Variants in VPS33A observed in about 807,000 individuals in gnomAD.
VPS33A encodes the protein vacuolar protein sorting-associated protein 33A.
Under a neutral mutation model 71.8 loss-of-function variants are expected in VPS33A, and 32 were observed. That is an observed-to-expected ratio of 0.45 (90% CI 0.34 to 0.60). The LOEUF is 0.60. Ranked by LOEUF, VPS33A falls within the 20% of genes least tolerant of loss-of-function variation. The pLI is 0.02. For missense variants in VPS33A, 625 were observed against 748.5 expected (o/e 0.84, Z 1.92); for synonymous variants, 311 against 292.7 (o/e 1.06, Z -0.64).
rs1024706441 is a variant in VPS33A at position 122,229,599 on chromosome 12, G to T, written c.*2647C>A. ...GACTTCTTTATTAAGGGGGCTGCTG[G>T]TGTAGAACTGTCTACCCAACTAGAC... On this transcript the variant is annotated 3_prime_UTR_variant, in exon 13 of 13. Coordinates refer to ENST00000267199, the MANE Select transcript of VPS33A (RefSeq NM_022916.6). 2.0e-5 allele frequency: 3 copies of T among 152,086 alleles called. No homozygotes were observed. The highest frequency in any genetic ancestry group is 2.9e-5 in the Non-Finnish European group (2 of 68,016). The allele number at this position is 152,086 out of a possible 1,614,324, so 9.4% of individuals were successfully genotyped here. A position where few individuals can be genotyped will look rare whatever the true frequency, so the allele number is the denominator to read the frequency against.
chr12:122,247,193 T>TA (rs144608308), intron 6 of VPS33A, among the ~76,000 whole-genome samples: 4,408 of 152,262 alleles, frequency 0.029, 199 homozygotes, highest in African/African-American at 0.1. Context: ...ATGTTTGACT[T>TA]ACATTACGAA....
intron 7 of VPS33A, among the ~76,000 whole-genome samples, chr12:122,244,233 A>C (rs971913898): frequency 4.6e-5 from 7 of 152,168 alleles, no homozygotes; most frequent in Non-Finnish European, 7.3e-5. Context: ...ATTATAGAGG[A>C]TTCTTTATTT....
intron 11 of VPS33A, among the ~76,000 whole-genome samples, chr12:122,235,054 T>C (rs1954611024): frequency 6.6e-6 from 1 of 151,812 alleles, no homozygotes; most frequent in Admixed American, 6.6e-5. Flanking sequence ...ACAAACATGG[T>C]TCACTGCAAC....
At chr12:122,244,067 G>A (rs1320827172) in intron 7 of VPS33A, among the ~76,000 whole-genome samples, 1 of 152,124 alleles carries the variant, frequency 6.6e-6, no homozygotes, top group Non-Finnish European at 1.5e-5. Flanking sequence ...CTAGTGAACG[G>A]GCAAGAGGAG....
At chr12:122,240,380 A>G (rs567255244) in intron 8 of VPS33A, among the ~76,000 whole-genome samples, 1 of 152,268 alleles carries the variant, frequency 6.6e-6, no homozygotes, top group East Asian at 1.9e-4. Context: ...AATAAGTTCA[A>G]GTCATCACCT....
At position 122,261,363 on chromosome 12, in the gene VPS33A, A is replaced by T. The variant is rs1954992122; in HGVS notation, c.381T>A (p.Asp127Glu). 1 of 1,613,992 alleles carries T rather than the reference A, an allele frequency of 6.2e-7. No individual in the cohort carries two copies. Among genetic ancestry groups the T allele is most frequent in the East Asian group, 2.2e-5 (1 of 44,864 alleles). Residue 127 changes from aspartate (D) to glutamate (E), a missense_variant, in exon 4 of 13, where the codon GAT becomes GAA. Transcript: ENST00000267199. Reference sequence around the variant, plus strand: ...GAATAAAGGATCCCAAGACACCCAGATCCTTCAACCGCTGTTCGCACAACA... The same window carrying T: ...GAATAAAGGATCCCAAGACACCCAGTTCCTTCAACCGCTGTTCGCACAACA... ...RSLLCEQRLK[D>E]LGVLGSFIHR... is the part of the protein sequence containing the mutation.
chr12:122,253,921 AC>A (rs1253298554), intron 4 of VPS33A, among the ~76,000 whole-genome samples: 1 of 152,006 alleles, frequency 6.6e-6, no homozygotes, highest in Non-Finnish European at 1.5e-5. Context: ...CTGGTCTCGA[AC>A]CCCTAACCTC....
At chr12:122,233,764 T>C (rs1475123205) in intron 11 of VPS33A, among the ~76,000 whole-genome samples, 1 of 152,174 alleles carries the variant, frequency 6.6e-6, no homozygotes, top group Non-Finnish European at 1.5e-5. Flanking sequence ...AGGTATAGCC[T>C]CAAAACCACT....
At position 122,232,280 on chromosome 12, in the gene VPS33A, C is replaced by G. The variant is rs1954572689; in HGVS notation, c.1757G>C (p.Ser586Thr). Residue 586 changes from serine (S) to threonine (T), a missense_variant, in exon 13 of 13, where the codon AGT (serine) becomes ACT (threonine). Transcript: ENST00000267199. ...TTTTTCCATCAGAGCCTCTATCCAACTGGTTCCATTCATTAGTTTAGTGGT... is the reference window on the plus strand; with the variant it reads ...TTTTTCCATCAGAGCCTCTATCCAAGTGGTTCCATTCATTAGTTTAGTGGT... ...IATTKLMNGTSWIEALMEKPF is the reference protein window; with the variant it reads ...IATTKLMNGTTWIEALMEKPF 2 of 1,613,928 alleles carry G rather than the reference C, an allele frequency of 1.2e-6. No homozygotes were observed. Among genetic ancestry groups the G allele is most frequent in the East Asian group, 4.5e-5 (2 of 44,888 alleles).
rs1165032525 is a variant in VPS33A at position 122,229,714 on chromosome 12, G to GA, written c.*2531dup. The GA allele has an allele frequency of 6.6e-6, 1 of 152,224 alleles. No individual in the cohort carries two copies. The highest frequency in any genetic ancestry group is 1.5e-5 in the Non-Finnish European group (1 of 68,044). The allele number at this position is 152,224 out of a possible 1,614,324, so 9.4% of individuals were successfully genotyped here. A position where few individuals can be genotyped will look rare whatever the true frequency, so the allele number is the denominator to read the frequency against. ...TTTCTCAGTAAGGGCATACTCTTTT[G>GA]AGACAAAGACTGCTTCAAGTATTAA... On this transcript the variant is annotated 3_prime_UTR_variant, in exon 13 of 13. Coordinates refer to ENST00000267199, the MANE Select transcript of VPS33A (RefSeq NM_022916.6).
chr12:122,261,662 A>G (rs1048042545), intron 3 of VPS33A, among the ~76,000 whole-genome samples: 1 of 151,908 alleles, frequency 6.6e-6, no homozygotes, highest in Non-Finnish European at 1.5e-5. Context: ...TGAGGTCAGG[A>G]GTTCGAGACC....
At chr12:122,241,144 A>AG (rs1385390060) in intron 8 of VPS33A, 1 of 151,914 alleles carries the variant, frequency 6.6e-6, no homozygotes, top group African/African-American at 2.4e-5. Flanking sequence ...CAAAAAAAAA[A>AG]AAAAAAGAAA....
intron 6 of VPS33A, 37 bp from the exon 7 acceptor site, chr12:122,244,799 A>G: frequency 6.3e-7 from 1 of 1,575,648 alleles, no homozygotes; most frequent in Non-Finnish European, 8.7e-7. Flanking sequence ...ACCTGTGTGC[A>G]ATGACTGGAA....
At chr12:122,259,917 C>A (rs1046534643) in intron 4 of VPS33A, among the ~76,000 whole-genome samples, 6 of 152,010 alleles carry the variant, frequency 3.9e-5, no homozygotes, top group African/African-American at 1.4e-4. Flanking sequence ...GCGGCACATG[C>A]CTGTAGTTCC....
At chr12:122,260,737 G>A (rs974281376) in intron 4 of VPS33A, among the ~76,000 whole-genome samples, 5 of 152,296 alleles carry the variant, frequency 3.3e-5, no homozygotes, top group Non-Finnish European at 7.4e-5. Flanking sequence ...TGTAATCCCA[G>A]CAGTTTGGGA....
chr12:122,252,609 A>G (rs949432052), intron 4 of VPS33A, among the ~76,000 whole-genome samples: 1 of 152,166 alleles, frequency 6.6e-6, no homozygotes. Context: ...AGAGAAAAAA[A>G]CCACCTGTGA....
intron 4 of VPS33A, among the ~76,000 whole-genome samples, chr12:122,254,002 C>T (rs915604009): frequency 2.6e-5 from 4 of 152,068 alleles, no homozygotes; most frequent in Admixed American, 6.6e-5. Flanking sequence ...CATTTAAATG[C>T]GCATTTTTTT....
chr12:122,232,993 A>G, intron 11 of VPS33A, 25 bp from the exon 12 acceptor site: 1 of 1,565,084 alleles, frequency 6.4e-7, no homozygotes, highest in Non-Finnish European at 8.7e-7. Flanking sequence ...AAGAACAAAA[A>G]CCCTATAGAT....
chr12:122,246,223 A>C (rs1385002499), intron 6 of VPS33A, among the ~76,000 whole-genome samples: 18 of 152,196 alleles, frequency 1.2e-4, no homozygotes. Flanking sequence ...GGCTGGGCAC[A>C]GTGGCTCACG....
Sources: gnomAD v4.1 joint callset for allele counts (sites outside exome capture counted in the v4.1 genomes callset) on GRCh38, gnomAD v4.1.1 for gene constraint, MANE v1.5 for transcripts, NCBI Gene and HGNC (gene_info 2026-07-23, HGNC 2026-07-21) for gene names.